The following ARHGAP6 variants were observed in gnomAD, a reference collection of about 807,000 sequenced individuals.
ARHGAP6 encodes rho GTPase-activating protein 6.
In ARHGAP6, 16 loss-of-function variants were observed where a neutral mutation model predicts 55.7. That is an observed-to-expected ratio of 0.29 (90% CI 0.19 to 0.44). The LOEUF (loss-of-function observed/expected upper bound fraction) is 0.44. Among genes scored for constraint, ARHGAP6 ranks in the 20% least tolerant of loss-of-function variants. ARHGAP6 has a pLI of 1.00. For missense variants in ARHGAP6, 698 were observed against 808.9 expected, an observed-to-expected ratio of 0.86 and a Z score of 1.66; for synonymous variants, 382 against 360.9, an observed-to-expected ratio of 1.06 and a Z score of -0.66.
At chrX:11,199,539 A>G (rs922719708) in intron 2 of ARHGAP6, among the ~76,000 whole-genome samples, 3 of 112,514 alleles carry the variant, frequency 2.7e-5, no homozygotes, top group African/African-American at 9.7e-5. Flanking sequence ...GCATTGCTGG[A>G]TCTGTGTATA....
At chrX:11,490,091 C>T (rs759614782) in intron 1 of ARHGAP6, among the ~76,000 whole-genome samples, 103 of 111,575 alleles carry the variant, frequency 9.2e-4, no homozygotes, top group Non-Finnish European at 1.7e-3. Context: ...CAGTGAATCA[C>T]ACCCTTATAC....
chrX:11,287,395 G>C lies in ARHGAP6; in HGVS notation c.589-32688C>G, dbSNP rs190904764. Among the ~76,000 whole-genome samples, 377 of 111,970 alleles carry C rather than the reference G, an allele frequency of 3.4e-3. 7 individuals are homozygous for C. The highest frequency in any genetic ancestry group is 0.012 in the African/African-American group (365 of 30,817). ...CAGGGCCAGAGCCCAGGGGTCTTGC[G>C]TCTGCTCTGACTCTCAATGTGATGT... On this transcript the variant is annotated intron_variant, in intron 1 of 12. Transcript: ENST00000337414.
chrX:11,223,694 T>C (rs1285936119), intron 2 of ARHGAP6, among the ~76,000 whole-genome samples: 5 of 112,083 alleles, frequency 4.5e-5, no homozygotes, highest in African/African-American at 9.7e-5. Context: ...TAGAAAATCA[T>C]TGTTGTACCA....
chrX:11,383,090 C>G (rs1330556628), intron 1 of ARHGAP6, among the ~76,000 whole-genome samples: 1 of 112,098 alleles, frequency 8.9e-6, no homozygotes, highest in Admixed American at 9.5e-5. Flanking sequence ...TAAATGACAT[C>G]AATCAGATTG....
Position 11,491,636 on chromosome X carries a change from C to T in ARHGAP6, c.588+172605G>A, listed in dbSNP as rs2050569805. Among the ~76,000 whole-genome samples, 5 of 111,684 alleles carry T rather than the reference C, an allele frequency of 4.5e-5. No individual in the cohort carries two copies. The Admixed American group carries it at 4.7e-4, about 11-fold the overall frequency. On this transcript the variant is annotated intron_variant, in intron 1 of 12. Transcript: ENST00000337414. The stretch of plus-strand genomic sequence containing the variant: ...CATTGTTGGACATTTGGGTTGGTTC[C>T]AAGTCTTTGCTATTGTGAATAGAGC...
chrX:11,346,804 AAAT>A (rs1375692918), intron 1 of ARHGAP6, among the ~76,000 whole-genome samples: 1 of 111,824 alleles, frequency 8.9e-6, no homozygotes, highest in Non-Finnish European at 1.9e-5. Flanking sequence ...ACAAAATAAA[AAAT>A]AATATTTCTC....
chrX:11,221,595 T>C lies in ARHGAP6; in HGVS notation c.749-24599A>G, dbSNP rs113091282. 8.0e-4 allele frequency among the ~76,000 whole-genome samples: 90 copies of C among 111,819 alleles called. 1 individual carries two copies. The highest frequency in any genetic ancestry group is 2.6e-3 in the African/African-American group (81 of 30,841). On this transcript the variant is annotated intron_variant, in intron 2 of 12. Transcript: ENST00000337414. ...TCTAATAATGGGCAAGTGAGAGGGATGGCTTTTCTTTCATACACGTGGAAA... is the reference window on the plus strand; with the variant it reads ...TCTAATAATGGGCAAGTGAGAGGGACGGCTTTTCTTTCATACACGTGGAAA...
chrX:11,320,766 TACACACACACAC>T (rs56815077), intron 1 of ARHGAP6, among the ~76,000 whole-genome samples: 234 of 85,661 alleles, frequency 2.7e-3, no homozygotes, highest in African/African-American at 4.9e-3. Context: ...AATATCTCTT[TACACACACACAC>T]ACACACACAC....
intron 1 of ARHGAP6, among the ~76,000 whole-genome samples, chrX:11,340,128 T>C (rs753950908): frequency 8.9e-6 from 1 of 112,131 alleles, no homozygotes; most frequent in East Asian, 2.8e-4. Flanking sequence ...CCACAGATTT[T>C]CTACACAGAG....
intron 1 of ARHGAP6, among the ~76,000 whole-genome samples, chrX:11,360,847 T>C (rs966692666): frequency 4.5e-5 from 5 of 111,113 alleles, no homozygotes; most frequent in Admixed American, 3.8e-4. Context: ...ATCACAAGCA[T>C]TCTTATACAC....
intron 2 of ARHGAP6, among the ~76,000 whole-genome samples, chrX:11,198,816 T>C (rs1399724798): frequency 1.8e-5 from 2 of 112,337 alleles, no homozygotes; most frequent in African/African-American, 3.2e-5. Flanking sequence ...AACTCCAACA[T>C]ATCTAATAGC....
chrX:11,258,467 G>GA (rs2147493038), intron 1 of ARHGAP6, among the ~76,000 whole-genome samples: 1 of 110,618 alleles, frequency 9.0e-6, no homozygotes. Context: ...TGGACATGGT[G>GA]AAAATGGTAT....
At chrX:11,518,749 G>T (rs2050876478) in intron 1 of ARHGAP6, among the ~76,000 whole-genome samples, 1 of 98,948 alleles carries the variant, frequency 1.0e-5, no homozygotes, top group Admixed American at 1.1e-4. Flanking sequence ...TTTTCATCTA[G>T]CATTAGGTAT....
chrX:11,390,609 A>G (rs1026056814), intron 1 of ARHGAP6, among the ~76,000 whole-genome samples: 1 of 111,730 alleles, frequency 9.0e-6, no homozygotes, highest in Non-Finnish European at 1.9e-5. Context: ...ACTCAAACAA[A>G]TTTACAAGAA....
At chrX:11,545,134 G>A (rs1194915194) in intron 1 of ARHGAP6, among the ~76,000 whole-genome samples, 2 of 111,607 alleles carry the variant, frequency 1.8e-5, no homozygotes, top group Non-Finnish European at 3.8e-5. Flanking sequence ...TGAGGGGCAG[G>A]GAGTCAGGAG....
chrX:11,585,370 G>A (rs2051720503), intron 1 of ARHGAP6, among the ~76,000 whole-genome samples: 1 of 112,397 alleles, frequency 8.9e-6, no homozygotes, highest in African/African-American at 3.2e-5. Context: ...TTCTGCAGTA[G>A]TTGAACTAAT....
chrX:11,156,906 A>G (rs1400905416), intron 9 of ARHGAP6, among the ~76,000 whole-genome samples: 1 of 112,379 alleles, frequency 8.9e-6, no homozygotes, highest in Admixed American at 9.4e-5. Flanking sequence ...CTCAGGTTAG[A>G]TTTTCTTGGT....
At position 11,142,331 on chromosome X, in the gene ARHGAP6, A is replaced by C; in HGVS notation, c.2177-18T>G. 1 of 1,110,732 alleles carries C rather than the reference A, an allele frequency of 9.0e-7. No individual in the cohort carries two copies. The highest frequency in any genetic ancestry group is 1.2e-6 in the Non-Finnish European group (1 of 814,981). The allele number at this position is 1,110,732 out of a possible 1,213,427, so 91.5% of individuals were successfully genotyped here. A position where few individuals can be genotyped will look rare whatever the true frequency, so the allele number is the denominator to read the frequency against. On this transcript the variant is annotated intron_variant, in intron 11 of 12. Coordinates refer to ENST00000337414, the MANE Select transcript of ARHGAP6 (RefSeq NM_013427.3). ...TGACAGATCTAGGGAAAAAGTGTAT[A>C]AAAAGGTATATAACACAAAAGGAAA... is the stretch of plus-strand genomic sequence containing the variant.
intron 1 of ARHGAP6, among the ~76,000 whole-genome samples, chrX:11,522,410 A>T (rs1418626225): frequency 9.0e-6 from 1 of 111,679 alleles, no homozygotes; most frequent in Non-Finnish European, 1.9e-5. Flanking sequence ...GGAGATAGAG[A>T]CACAAAAAAC....
Sources: allele counts gnomAD v4.1 joint callset (sites outside exome capture counted in the v4.1 genomes callset), GRCh38; gene constraint gnomAD v4.1.1; transcripts MANE v1.5; gene names NCBI Gene and HGNC (gene_info 2026-07-23, HGNC 2026-07-21).